CYRIA: variants seen among roughly 807,000 people sequenced by gnomAD.
CYRIA encodes CYFIP related Rac1 interactor A.
CYRIA carries 15 observed loss-of-function variants against 43.9 expected under a neutral mutation model. The ratio of observed to expected loss-of-function variants is 0.34; its 90% CI spans 0.23 to 0.53. The LOEUF (loss-of-function observed/expected upper bound fraction) is 0.53. Among genes scored for constraint, CYRIA ranks in the 20% least tolerant of loss-of-function variants. CYRIA has a pLI of 0.94. For missense variants in CYRIA, 236 were observed against 394.2 expected (o/e 0.60, Z 3.40); for synonymous variants, 117 against 136.0 (o/e 0.86, Z 0.97).
intron 2 of CYRIA, among the ~76,000 whole-genome samples, chr2:16,611,612 G>A (rs1228507293): frequency 6.6e-6 from 1 of 152,184 alleles, no homozygotes; most frequent in Non-Finnish European, 1.5e-5. Context: ...AATAGTCTGG[G>A]AGGGTTTCCT....
chr2:16,641,667 G>A (rs1216572133), intron 1 of CYRIA, among the ~76,000 whole-genome samples: 1 of 152,236 alleles, frequency 6.6e-6, no homozygotes, highest in African/African-American at 2.4e-5. Context: ...TCTAGCACAT[G>A]GGAGGTGCTC....
At chr2:16,665,606 T>G (rs908798402) in intron 1 of CYRIA, among the ~76,000 whole-genome samples, 174 bp downstream of exon 1, 1 of 151,552 alleles carries the variant, frequency 6.6e-6, no homozygotes, top group Non-Finnish European at 1.5e-5. Flanking sequence ...TCCCGGACGG[T>G]GTCCTCCGCT....
intron 3 of CYRIA, among the ~76,000 whole-genome samples, chr2:16,573,110 A>C (rs965998722): frequency 6.6e-6 from 1 of 152,250 alleles, no homozygotes; most frequent in East Asian, 1.9e-4. Flanking sequence ...GATGTTCTGC[A>C]TATAGTTTCT....
chr2:16,561,389 T>C, intron 7 of CYRIA, 67 bp downstream of exon 7: 1 of 1,525,738 alleles, frequency 6.6e-7, no homozygotes, highest in Non-Finnish European at 9.1e-7. Flanking sequence ...GTCTGTGCTC[T>C]GCCTGATGCA....
intron 1 of CYRIA, 62 bp from the exon 2 acceptor site, chr2:16,624,081 A>G (rs571025226): frequency 6.6e-6 from 1 of 152,366 alleles, no homozygotes; most frequent in Non-Finnish European, 1.5e-5. Flanking sequence ...CACTAGTCAC[A>G]ATGTATTTTT....
At chr2:16,622,787 C>T (rs1669038553) in intron 2 of CYRIA, among the ~76,000 whole-genome samples, 1 of 152,130 alleles carries the variant, frequency 6.6e-6, no homozygotes, top group Non-Finnish European at 1.5e-5. Context: ...AGCTCAGAAA[C>T]CACTCTAGAG....
At chr2:16,569,820 G>A (rs1395901300) in intron 3 of CYRIA, among the ~76,000 whole-genome samples, 5 of 152,218 alleles carry the variant, frequency 3.3e-5, no homozygotes, top group African/African-American at 7.2e-5. Context: ...CCATTAGACT[G>A]TAGGACTCTG....
At chr2:16,615,940 G>T (rs547581415) in intron 2 of CYRIA, among the ~76,000 whole-genome samples, 1 of 152,196 alleles carries the variant, frequency 6.6e-6, no homozygotes, top group African/African-American at 2.4e-5. Flanking sequence ...GCATGGCGAC[G>T]CCTGGGACCA....
intron 1 of CYRIA, among the ~76,000 whole-genome samples, chr2:16,638,182 G>C (rs1669559889): frequency 6.6e-6 from 1 of 152,142 alleles, no homozygotes. Context: ...AATCTCACTG[G>C]AGCCCACCCT....
At chr2:16,572,884 T>C (rs1192542273) in intron 3 of CYRIA, among the ~76,000 whole-genome samples, 1 of 152,224 alleles carries the variant, frequency 6.6e-6, no homozygotes, top group South Asian at 2.1e-4. Flanking sequence ...TCACTTACTC[T>C]CTGCTCTGTT....
At chr2:16,618,084 C>G (rs1480128593) in intron 2 of CYRIA, among the ~76,000 whole-genome samples, 3 of 152,214 alleles carry the variant, frequency 2.0e-5, no homozygotes, top group Non-Finnish European at 4.4e-5. Flanking sequence ...GAAAGGAACT[C>G]TTTCCAGCTG....
At chr2:16,574,336 G>A (rs1005929461) in intron 3 of CYRIA, among the ~76,000 whole-genome samples, 14 of 152,302 alleles carry the variant, frequency 9.2e-5, no homozygotes, top group African/African-American at 3.4e-4. Flanking sequence ...GGAAAACAGA[G>A]CATAAAAGTT....
intron 1 of CYRIA, among the ~76,000 whole-genome samples, chr2:16,627,385 A>T (rs1669205334): frequency 6.6e-6 from 1 of 152,214 alleles, no homozygotes; most frequent in African/African-American, 2.4e-5. Flanking sequence ...AACACTGAGA[A>T]ACCAGAAGGG....
intron 1 of CYRIA, among the ~76,000 whole-genome samples, chr2:16,628,760 G>A (rs1669237519): frequency 6.6e-6 from 1 of 152,168 alleles, no homozygotes; most frequent in African/African-American, 2.4e-5. Flanking sequence ...TGTGTTGGTA[G>A]AGGACCCTTC....
intron 5 of CYRIA, 117 bp from the exon 6 acceptor site, chr2:16,562,258 A>G: frequency 2.7e-6 from 3 of 1,119,338 alleles, no homozygotes; most frequent in Non-Finnish European, 3.8e-6. Context: ...GTCTCTCCCG[A>G]TAACTACGTG....
Position 16,625,460 on chromosome 2 carries a change from A to G in CYRIA, c.-166-1441T>C, listed in dbSNP as rs112032307. On this transcript the variant is annotated intron_variant, in intron 1 of 11. Coordinates refer to ENST00000381323, the MANE Select transcript of CYRIA (RefSeq NM_030797.4). ...AGGAAATGATAGAGAAAACACAGCA[A>G]CTCTGAAATGTCCTTGGCTTGATGA... Among the ~76,000 whole-genome samples the G allele has an allele frequency of 5.0e-3, 763 of 152,160 alleles. 3 individuals carry two copies. The highest frequency in any genetic ancestry group is 7.8e-3 in the Non-Finnish European group (528 of 67,986).
chr2:16,612,078 G>A (rs1403708415), intron 2 of CYRIA, among the ~76,000 whole-genome samples: 1 of 152,072 alleles, frequency 6.6e-6, no homozygotes, highest in Non-Finnish European at 1.5e-5. Context: ...CTGCTTACCT[G>A]CCTGTCTCTC....
At chr2:16,630,658 A>G (rs1379832101) in intron 1 of CYRIA, among the ~76,000 whole-genome samples, 2 of 152,068 alleles carry the variant, frequency 1.3e-5, no homozygotes, top group Admixed American at 1.3e-4. Flanking sequence ...TCTCCTTGAG[A>G]CTGCATTTTA....
chr2:16,571,063 G>A (rs1024359902), intron 3 of CYRIA, among the ~76,000 whole-genome samples: 6 of 152,178 alleles, frequency 3.9e-5, no homozygotes, highest in Non-Finnish European at 5.9e-5. Flanking sequence ...ATGATTTAAA[G>A]TCCTGTTCTG....
Sources: allele counts gnomAD v4.1 joint callset (sites outside exome capture counted in the v4.1 genomes callset), GRCh38; gene constraint gnomAD v4.1.1; transcripts MANE v1.5; gene names NCBI Gene and HGNC (gene_info 2026-07-23, HGNC 2026-07-21).